KIRREL1: variants seen among roughly 807,000 people sequenced by gnomAD.
KIRREL1 encodes the protein kirre like nephrin family adhesion molecule 1, also known as kin of IRRE-like protein 1.
A neutral mutation model predicts 83.3 loss-of-function variants in KIRREL1; 25 were observed. The observed-to-expected ratio is 0.30, with a 90% confidence interval of 0.22 to 0.42. The LOEUF is 0.42. Among genes scored for constraint, KIRREL1 ranks in the 10% least tolerant of loss-of-function variants. The pLI, the probability that KIRREL1 is intolerant of heterozygous loss-of-function variation, is 1.00. For missense variants in KIRREL1, 812 were observed against 1,032.3 expected, an observed-to-expected ratio of 0.79 and a Z score of 2.92; for synonymous variants, 388 against 410.4, an observed-to-expected ratio of 0.95 and a Z score of 0.66.
chr1:158,093,726 C>T lies in KIRREL1; in HGVS notation c.1683C>T (p.Val561=), dbSNP rs771482661. ...ACCGGGAGGATGACACCGCCAGCGT[C>T]TCCACAGCAACCCGGGTCATGAAGG... ...HSDREDDTAS[V]STATRVMKAI... The change falls in exon 13 of 15, where the codon GTC becomes GTT. Residue 561 remains valine, a synonymous_variant. Coordinates refer to ENST00000359209, the MANE Select transcript of KIRREL1 (RefSeq NM_018240.7). The T allele has an allele frequency of 4.3e-6, 7 of 1,614,234 alleles. No homozygotes were observed. The South Asian group carries it at 5.5e-5, about 13-fold the overall frequency.
intron 1 of KIRREL1, among the ~76,000 whole-genome samples, chr1:157,997,799 T>C (rs1392509120): frequency 6.6e-6 from 1 of 152,248 alleles, no homozygotes; most frequent in Admixed American, 6.5e-5. Flanking sequence ...CTACTTCATA[T>C]GCATTATCTA....
intron 2 of KIRREL1, 60 bp downstream of exon 2, chr1:158,076,322 C>G (rs1472027018): frequency 2.6e-6 from 4 of 1,511,082 alleles, no homozygotes; most frequent in Non-Finnish European, 3.7e-6. Flanking sequence ...TCCCCACTTC[C>G]AGCATAGATT....
chr1:158,013,922 G>C (rs998551432), intron 1 of KIRREL1, among the ~76,000 whole-genome samples: 1 of 152,190 alleles, frequency 6.6e-6, no homozygotes, highest in Non-Finnish European at 1.5e-5. Flanking sequence ...AGGTGACACT[G>C]CTCCTGGGAC....
Position 158,021,013 on chromosome 1 carries a change from T to A in KIRREL1, c.52+27285T>A, listed in dbSNP as rs190419192. Among the ~76,000 whole-genome samples, 80 of 152,248 alleles carry A rather than the reference T, an allele frequency of 5.3e-4. 1 individual carries two copies. The highest frequency in any genetic ancestry group is 1.9e-3 in the African/African-American group (78 of 41,522). On this transcript the variant is annotated intron_variant, in intron 1 of 14. Transcript: ENST00000359209. ...CCATATCTTCTGTAATTCTTTCTTC[T>A]CCAGTTGCTAAGCTCCTTGGATTTG...
chr1:158,078,108 T>G lies in KIRREL1; in HGVS notation c.320T>G (p.Leu107Arg), dbSNP rs1558013081. ...SYECQATEAA[L>R]RSRRAKLTVL... ...GAGTGCCAGGCCACGGAGGCCGCCC[T>G]GCGCTCTCGGCGGGCCAAACTCACC... Residue 107 changes from leucine to arginine, a missense_variant, in exon 3 of 15, where the codon CTG becomes CGG. By Grantham distance (102) the Leu-to-Arg change is moderately radical. This residue lies in a region of KIRREL1 where 472 missense variants were observed against 626.8 expected (regional missense o/e 0.75). Transcript: ENST00000359209. 6.2e-7 allele frequency: 1 copy of G among 1,614,096 alleles called. No individual in the cohort carries two copies. The highest frequency in any genetic ancestry group is 8.5e-7 in the Non-Finnish European group (1 of 1,180,016).
intron 1 of KIRREL1, among the ~76,000 whole-genome samples, chr1:158,032,186 G>T (rs995841463): frequency 6.6e-6 from 1 of 152,216 alleles, no homozygotes; most frequent in African/African-American, 2.4e-5. Flanking sequence ...GGGAACTGGG[G>T]ACTGGTGTCC....
chr1:158,013,703 C>T lies in KIRREL1; in HGVS notation c.52+19975C>T, dbSNP rs551396695. On this transcript the variant is annotated intron_variant, in intron 1 of 14. Coordinates refer to ENST00000359209, the MANE Select transcript of KIRREL1 (RefSeq NM_018240.7). The stretch of plus-strand genomic sequence containing the variant: ...CCACCTTAGTCCCCTGCCCTTGCTC[C>T]GCAACCAAGGTGTGTGTACACCTCC... Among the ~76,000 whole-genome samples, 64 of 152,334 alleles carry T rather than the reference C, an allele frequency of 4.2e-4. 1 individual carries two copies. Among genetic ancestry groups the T allele is most frequent in the Non-Finnish European group, 1.5e-5 (1 of 68,036 alleles).
intron 1 of KIRREL1, among the ~76,000 whole-genome samples, chr1:158,027,304 C>G (rs1660201065): frequency 6.6e-6 from 1 of 152,214 alleles, no homozygotes; most frequent in South Asian, 2.1e-4. Context: ...TGTGGAGCTT[C>G]CATGCCTTCT....
rs1341424398 is a variant in KIRREL1 at position 158,096,448 on chromosome 1, C to T, written c.*1328C>T. 7 of 382,652 alleles carry T rather than the reference C, an allele frequency of 1.8e-5. No individual in the cohort carries two copies. In the Admixed American group the frequency reaches 2.1e-4, roughly 11 times the overall value. 23.7% of individuals were successfully genotyped at this position (382,652 alleles called of 1,614,324 possible). A position where few individuals can be genotyped will look rare whatever the true frequency, so the allele number is the denominator to read the frequency against. On this transcript the variant is annotated 3_prime_UTR_variant, in exon 15 of 15. Transcript: ENST00000359209. Reference sequence around the variant, plus strand: ...AGTGTCAAGCTTTGGATGACCGACCCTATGTGGGCGGTTGTGTGGGGAGTG... The same window carrying T: ...AGTGTCAAGCTTTGGATGACCGACCTTATGTGGGCGGTTGTGTGGGGAGTG...
chr1:158,050,726 T>C (rs1047531986), intron 1 of KIRREL1, among the ~76,000 whole-genome samples: 1 of 152,012 alleles, frequency 6.6e-6, no homozygotes, highest in Non-Finnish European at 1.5e-5. Flanking sequence ...CCTTCTGGCT[T>C]TACTACTGAC....
Position 158,084,485 on chromosome 1 carries a change from AC to A in KIRREL1, c.417del (p.His139GlnfsTer35). 6.4e-7 allele frequency: 1 copy of A among 1,551,772 alleles called. No individual in the cohort carries two copies. Among genetic ancestry groups the A allele is most frequent in the African/African-American group, 1.4e-5 (1 of 73,174 alleles). On this transcript the variant is annotated frameshift_variant, in exon 4 of 15. Coordinates refer to ENST00000359209, the MANE Select transcript of KIRREL1 (RefSeq NM_018240.7). LOFTEE classifies it high-confidence loss of function. ...ATTCTACTGCAGGCAGGCACCCCCCACAACCTCACATGCCGGGCCTTCAATG... is the reference window on the plus strand; with the variant it reads ...ATTCTACTGCAGGCAGGCACCCCCCAAACCTCACATGCCGGGCCTTCAATG... ...PVILLQAGTPHNLTCRAFNAK... is the reference protein window; with the variant it reads ...PVILLQAGTPXNLTCRAFNAK...
chr1:158,057,220 A>ATTT (rs1244128106), intron 1 of KIRREL1, among the ~76,000 whole-genome samples: 1 of 151,966 alleles, frequency 6.6e-6, no homozygotes, highest in Non-Finnish European at 1.5e-5. Flanking sequence ...ACTCAGCTTT[A>ATTT]TTTGGGGTTT....
chr1:158,077,846 TG>T, intron 2 of KIRREL1, 144 bp from the exon 3 acceptor site: 1 of 870,854 alleles, frequency 1.1e-6, no homozygotes, highest in South Asian at 1.7e-5. Context: ...TGAGGTGTCG[TG>T]GCATCAGGTG....
chr1:158,093,721 A>C lies in KIRREL1; in HGVS notation c.1678A>C (p.Ser560Arg). The stretch of plus-strand genomic sequence containing the variant: ...TTCTGACCGGGAGGATGACACCGCC[A>C]GCGTCTCCACAGCAACCCGGGTCAT... ...MHSDREDDTA[S>R]VSTATRVMKA... The change falls in exon 13 of 15, where the codon AGC (serine) becomes CGC (arginine). Residue 560 changes from serine to arginine, a missense_variant. Ser to Arg is a moderately radical substitution (Grantham distance 110, BLOSUM62 -1). Around this residue, in one of 3 missense-constraint regions of KIRREL1, gnomAD observed 334 missense variants for 383.7 expected, o/e 0.87. Transcript: ENST00000359209. 1 of 1,614,188 alleles carries C rather than the reference A, an allele frequency of 6.2e-7. No homozygotes were observed. The highest frequency in any genetic ancestry group is 1.1e-5 in the South Asian group (1 of 91,080).
chr1:158,088,764 G>A (rs1212078291), intron 8 of KIRREL1, among the ~76,000 whole-genome samples: 3 of 152,266 alleles, frequency 2.0e-5, no homozygotes, highest in East Asian at 3.9e-4. Context: ...GATTACAGGC[G>A]TGAGCCACCG....
intron 1 of KIRREL1, among the ~76,000 whole-genome samples, chr1:158,037,150 C>T (rs1434001122): frequency 6.6e-6 from 1 of 152,192 alleles, no homozygotes; most frequent in Non-Finnish European, 1.5e-5. Flanking sequence ...ACTGCTGCCA[C>T]GACTAGCACT....
intron 1 of KIRREL1, among the ~76,000 whole-genome samples, chr1:158,057,368 A>T (rs1342319848): frequency 6.6e-6 from 1 of 152,006 alleles, no homozygotes; most frequent in Non-Finnish European, 1.5e-5. Context: ...AGGGCCCTTG[A>T]CTTCCTAAGA....
Position 158,094,478 on chromosome 1 carries a change from G to T in KIRREL1, c.1797+88G>T. ...GTAGCGGGGAGGTGAGGTGAGGACAGACTTGGGGAGGAGTGGTTGGGAGGG... is the reference window on the plus strand; with the variant it reads ...GTAGCGGGGAGGTGAGGTGAGGACATACTTGGGGAGGAGTGGTTGGGAGGG... On this transcript the variant is annotated intron_variant, in intron 14 of 14. Coordinates refer to ENST00000359209, the MANE Select transcript of KIRREL1 (RefSeq NM_018240.7). The surrounding 1 kb of genome is among the most constrained non-coding windows in gnomAD (Gnocchi z 4.6). 1 of 1,397,248 alleles carries T rather than the reference G, an allele frequency of 7.2e-7. No individual in the cohort carries two copies. The highest frequency in any genetic ancestry group is 1.2e-5 in the South Asian group (1 of 85,256). The allele number at this position is 1,397,248 out of a possible 1,614,324, so 86.6% of individuals were successfully genotyped here.
At chr1:158,070,021 C>G (rs919713416) in intron 1 of KIRREL1, among the ~76,000 whole-genome samples, 1 of 152,204 alleles carries the variant, frequency 6.6e-6, no homozygotes, top group Admixed American at 6.5e-5. Flanking sequence ...TACCGCTCCT[C>G]CCTTCGTGTA....
Sources: gnomAD v4.1 joint callset for allele counts (sites outside exome capture counted in the v4.1 genomes callset) on GRCh38, gnomAD v4.1.1 for gene constraint, gnomAD v4.1.1 regional missense constraint, Gnocchi (gnomAD v3.1) non-coding constraint, MANE v1.5 for transcripts, NCBI Gene and HGNC (gene_info 2026-07-23, HGNC 2026-07-21) for gene names.